The following KMT2C variants were observed in gnomAD, a reference collection of about 807,000 sequenced individuals.
The protein encoded by KMT2C is histone-lysine N-methyltransferase 2C.
KMT2C carries 88 observed loss-of-function variants against 507.9 expected under a neutral mutation model. The observed-to-expected ratio is 0.17, with a 90% CI of 0.15 to 0.21. The LOEUF is 0.21. KMT2C is among the 10% of genes least tolerant of loss of function. The probability of loss-of-function intolerance (pLI) is 1.00; values close to 1 mark genes in which losing one functional copy is unlikely to be tolerated. For synonymous variants in KMT2C, 2,049 were observed against 2,080.8 expected (o/e 0.98, Z 0.42); for missense variants, 4,954 against 5,957.8 (o/e 0.83, Z 5.55).
intron 39 of KMT2C, among the ~76,000 whole-genome samples, chr7:152,172,820 G>A (rs886902085): frequency 1.3e-4 from 20 of 152,072 alleles, no homozygotes; most frequent in Admixed American, 1.3e-4. Flanking sequence ...TTTTCCTATC[G>A]AGTGTTGCAG....
At chr7:152,368,876 T>C (rs1443173953) in intron 1 of KMT2C, among the ~76,000 whole-genome samples, 1 of 152,240 alleles carries the variant, frequency 6.6e-6, no homozygotes, top group Non-Finnish European at 1.5e-5. Flanking sequence ...CAGCTCTAAG[T>C]ACCTTTCCTA....
rs1372520176 is a variant in KMT2C at position 152,148,100 on chromosome 7, T to C, written c.13827A>G (p.Pro4609=). Residue 4609 remains proline (P), a synonymous_variant, in exon 52 of 59, where the codon CCA becomes CCG. Transcript: ENST00000262189. The surrounding 1 kb of genome is among the most constrained non-coding windows in gnomAD (Gnocchi z 7.1). ...GTTCCACAATCCTGATGACAAACAC[T>C]GGGCGCCCATCCTTCTCCTCAATGG... is the stretch of plus-strand genomic sequence containing the variant. ...LCSIEEKDGR[P]VFVIRIVEQG... The C allele has an allele frequency of 5.0e-6, 8 of 1,610,596 alleles. No homozygotes were observed. The highest frequency in any genetic ancestry group is 6.8e-6 in the Non-Finnish European group (8 of 1,177,114).
chr7:152,180,777 A>G lies in KMT2C; in HGVS notation c.7083T>C (p.Thr2361=), dbSNP rs2129119113. ...GVSQLPGPVP[T]SGVTDTQNTV... ...TATTCTGTGTATCAGTTACTCCTGA[A>G]GTTGGCACAGGTCCAGGAAGTTGGG... Residue 2361 remains threonine, a synonymous_variant, in exon 36 of 59, where the codon ACT becomes ACC. Coordinates refer to ENST00000262189, the MANE Select transcript of KMT2C (RefSeq NM_170606.3). 3.7e-6 allele frequency: 6 copies of G among 1,614,162 alleles called. No individual in the cohort carries two copies. In the South Asian group the frequency reaches 4.4e-5, roughly 12 times the overall value.
intron 1 of KMT2C, among the ~76,000 whole-genome samples, chr7:152,392,078 T>A (rs2097503389): frequency 6.6e-6 from 1 of 152,204 alleles, no homozygotes; most frequent in South Asian, 2.1e-4. Flanking sequence ...CCACGGATGC[T>A]ACAAAGCCCT....
chr7:152,185,246 G>A (rs2093589593), intron 34 of KMT2C, among the ~76,000 whole-genome samples: 1 of 152,126 alleles, frequency 6.6e-6, no homozygotes, highest in Non-Finnish European at 1.5e-5. Flanking sequence ...AGAACTCATG[G>A]ATACAGACGG....
At chr7:152,316,797 G>A (rs931091348) in intron 3 of KMT2C, among the ~76,000 whole-genome samples, 1 of 150,556 alleles carries the variant, frequency 6.6e-6, no homozygotes, top group African/African-American at 2.4e-5. Context: ...TGCTGGTACC[G>A]AGACATACAC....
rs889642084 is a variant in KMT2C, at chr7:152,138,609, T to A, written c.14643+187A>T. 4.6e-5 allele frequency: 23 copies of A among 501,214 alleles called. No individual in the cohort carries two copies. Among genetic ancestry groups the A allele is most frequent in the African/African-American group, 4.4e-4 (22 of 49,676 alleles). The allele number at this position is 501,214 out of a possible 1,614,324, so 31.0% of individuals were successfully genotyped here. On this transcript the variant is annotated intron_variant, in intron 58 of 58. Coordinates refer to ENST00000262189, the MANE Select transcript of KMT2C (RefSeq NM_170606.3). The surrounding 1 kb of genome is among the most constrained non-coding windows in gnomAD (Gnocchi z 4.2). Reference sequence around the variant, plus strand: ...AGCAAATGCTCACAGAGCTGCCATGTGGAGGAAGGTGAACTGGAGTGCCTG... The same window carrying A: ...AGCAAATGCTCACAGAGCTGCCATGAGGAGGAAGGTGAACTGGAGTGCCTG...
chr7:152,434,833 A>G (rs1241913385), intron 1 of KMT2C, among the ~76,000 whole-genome samples: 2 of 152,158 alleles, frequency 1.3e-5, no homozygotes, highest in Non-Finnish European at 2.9e-5. Flanking sequence ...AGCCCCTTAC[A>G]GCTAAGACTT....
chr7:152,230,177 G>A (rs1403524481), intron 17 of KMT2C, 43 bp downstream of exon 17: 5 of 1,169,398 alleles, frequency 4.3e-6, no homozygotes, highest in East Asian at 4.7e-5. Context: ...AAATGTGCAA[G>A]GAGGAATTCA....
intron 9 of KMT2C, among the ~76,000 whole-genome samples, chr7:152,259,452 A>ACACG (rs1563624819): frequency 5.5e-4 from 67 of 122,442 alleles, no homozygotes; most frequent in African/African-American, 2.4e-3. Flanking sequence ...ACGCGCACAC[A>ACACG]CACACACACA....
chr7:152,387,527 G>C (rs1006114778), intron 1 of KMT2C, among the ~76,000 whole-genome samples: 2 of 146,708 alleles, frequency 1.4e-5, no homozygotes, highest in African/African-American at 5.1e-5. Flanking sequence ...CTGGAGTGCA[G>C]TGGTGCCATC....
Position 152,356,611 on chromosome 7 carries a change from C to A in KMT2C, c.250+1976G>T, listed in dbSNP as rs1033056803. Among the ~76,000 whole-genome samples, 4 of 151,102 alleles carry A rather than the reference C, an allele frequency of 2.6e-5. No homozygotes were observed. The South Asian group carries it at 8.4e-4, about 32-fold the overall frequency. On this transcript the variant is annotated intron_variant, in intron 2 of 58. Transcript: ENST00000262189. ...AAAATTAAAAAAAATAATAATCAGGCACGGCGCGGTGACTCACGCCTGTAA... is the reference window on the plus strand; with the variant it reads ...AAAATTAAAAAAAATAATAATCAGGAACGGCGCGGTGACTCACGCCTGTAA...
At position 152,287,661 on chromosome 7, in the gene KMT2C, G is replaced by A. The variant is rs546954472; in HGVS notation, c.850-13794C>T. On this transcript the variant is annotated intron_variant, in intron 6 of 58. Transcript: ENST00000262189. ...GAATTTGAAAATATAGTCAAAAGGT[G>A]CAAACAATGAGAATTCATAGATGTC... is the stretch of plus-strand genomic sequence containing the variant. Among the ~76,000 whole-genome samples, 13 of 152,230 alleles carry A rather than the reference G, an allele frequency of 8.5e-5. 2 individuals are homozygous for A. The highest frequency in any genetic ancestry group is 2.4e-4 in the African/African-American group (10 of 41,548).
At chr7:152,432,781 G>A (rs2097875423) in intron 1 of KMT2C, among the ~76,000 whole-genome samples, 1 of 152,150 alleles carries the variant, frequency 6.6e-6, no homozygotes, top group Admixed American at 6.5e-5. Context: ...ATTTAAACTT[G>A]AGGAAAGTGT....
At chr7:152,255,034 C>CTT (rs1225635570) in intron 9 of KMT2C, among the ~76,000 whole-genome samples, 2 of 147,282 alleles carry the variant, frequency 1.4e-5, no homozygotes, top group Admixed American at 6.8e-5. Context: ...CAAAACTAGA[C>CTT]TTTAACAAAC....
intron 16 of KMT2C, among the ~76,000 whole-genome samples, chr7:152,231,910 C>G (rs1489153106): frequency 6.6e-6 from 1 of 151,836 alleles, no homozygotes; most frequent in Non-Finnish European, 1.5e-5. Flanking sequence ...GACAGAGTCT[C>G]ACTATGTCGC....
At chr7:152,187,879 A>G in intron 31 of KMT2C, 32 bp from the exon 32 acceptor site, 3 of 1,611,184 alleles carry the variant, frequency 1.9e-6, no homozygotes, top group Non-Finnish European at 2.5e-6. Context: ...CGTTGGCATG[A>G]TATTCACAAG....
chr7:152,170,415 C>G (rs192993231), intron 40 of KMT2C, among the ~76,000 whole-genome samples: 1 of 152,066 alleles, frequency 6.6e-6, no homozygotes, highest in East Asian at 1.9e-4. Context: ...CCAGATACTG[C>G]TTGATATTAT....
At chr7:152,273,103 A>T (rs2096008335) in intron 7 of KMT2C, among the ~76,000 whole-genome samples, 1 of 152,200 alleles carries the variant, frequency 6.6e-6, no homozygotes, top group South Asian at 2.1e-4. Flanking sequence ...AATTTCCTGT[A>T]TAATGTAAAT....
Sources: gnomAD v4.1 joint callset for allele counts (sites outside exome capture counted in the v4.1 genomes callset) on GRCh38, gnomAD v4.1.1 for gene constraint, Gnocchi (gnomAD v3.1) non-coding constraint, MANE v1.5 for transcripts, NCBI Gene and HGNC (gene_info 2026-07-23, HGNC 2026-07-21) for gene names.